Variants in TULP4 observed in about 807,000 individuals in gnomAD.
The protein encoded by TULP4 is TUB like protein 4, also known as tubby-related protein 4.
A neutral mutation model predicts 129.0 loss-of-function variants in TULP4; 16 were observed. The observed-to-expected ratio is 0.12, with a 90% CI of 0.08 to 0.19. TULP4 has a LOEUF of 0.19. Ranked by LOEUF, TULP4 falls within the 10% of genes least tolerant of loss-of-function variation. The pLI, the probability that TULP4 is intolerant of heterozygous loss-of-function variation, is 1.00. For synonymous variants in TULP4, 998 were observed against 854.0 expected (o/e 1.17, Z -2.94); for missense variants, 1,842 against 2,059.1 (o/e 0.89, Z 2.04).
rs535905141 is a variant in TULP4, at chr6:158,252,989, C to T, written n.68+20686C>T. ...TCTTAGGCATTGGTCTTATTAGACG[C>T]ATCTGCTCCATGAAGCTTACGCGTT... On this transcript the variant is annotated intron_variant and non_coding_transcript_variant, in intron 1 of 1. Coordinates refer to the TULP4 transcript ENST00000620026. 1.2e-4 allele frequency among the ~76,000 whole-genome samples: 19 copies of T among 152,322 alleles called. No homozygotes were observed. In the East Asian group the frequency reaches 2.7e-3, roughly 22 times the overall value.
Position 158,234,321 on chromosome 6 carries a change from C to G in TULP4, n.68+2018C>G, listed in dbSNP as rs566886119. On this transcript the variant is annotated intron_variant and non_coding_transcript_variant, in intron 1 of 1. Coordinates refer to the TULP4 transcript ENST00000620026. ...TAAATGGAATCATCCAACATTGATG[C>G]TGAGATGGCGAGTAATGGAAGAGTC... 9.2e-5 allele frequency among the ~76,000 whole-genome samples: 13 copies of G among 142,018 alleles called. No individual in the cohort carries two copies. The South Asian group carries it at 2.9e-3, about 32-fold the overall frequency. The allele number at this position is 142,018 out of a possible 152,430, so 93.2% of individuals were successfully genotyped here. A position where few individuals can be genotyped will look rare whatever the true frequency, so the allele number is the denominator to read the frequency against.
chr6:158,365,984 G>GCT lies in TULP4; in HGVS notation c.253-47080_253-47079dup, dbSNP rs1780947454. Among the ~76,000 whole-genome samples, 11 of 128,424 alleles carry GCT rather than the reference G, an allele frequency of 8.6e-5. No homozygotes were observed. The Admixed American group carries it at 9.7e-4, about 11-fold the overall frequency. 84.3% of individuals were successfully genotyped at this position (128,424 alleles called of 152,430 possible). A position where few individuals can be genotyped will look rare whatever the true frequency, so the allele number is the denominator to read the frequency against. On this transcript the variant is annotated intron_variant, in intron 1 of 13. Coordinates refer to ENST00000367097, the MANE Select transcript of TULP4 (RefSeq NM_020245.5). ...GTGGCGCCATCTCGGCTCACTGCAA[G>GCT]CTGCACCTCCCAGGTTCATGCCATT...
intron 5 of TULP4, among the ~76,000 whole-genome samples, chr6:158,458,450 C>T (rs1779344401): frequency 6.6e-6 from 1 of 152,142 alleles, no homozygotes; most frequent in Non-Finnish European, 1.5e-5. Flanking sequence ...TCCCCATTGC[C>T]TGTGAGGGTG....
intron 6 of TULP4, among the ~76,000 whole-genome samples, chr6:158,474,282 A>G (rs1779762224): frequency 1.3e-5 from 2 of 152,170 alleles, no homozygotes; most frequent in Admixed American, 6.5e-5. Context: ...AGAGCCTCCG[A>G]CTGTCCCAGG....
intron 1 of TULP4, among the ~76,000 whole-genome samples, chr6:158,244,767 C>A (rs977841108): frequency 6.6e-6 from 1 of 151,920 alleles, no homozygotes; most frequent in African/African-American, 2.4e-5. Context: ...TGAGGTGAGA[C>A]GATCACTTGA....
At chr6:158,336,216 A>T (rs895436893) in intron 1 of TULP4, among the ~76,000 whole-genome samples, 2 of 152,210 alleles carry the variant, frequency 1.3e-5, no homozygotes, top group Non-Finnish European at 2.9e-5. Flanking sequence ...CAAACATTTA[A>T]GGGCCATTTT....
chr6:158,484,522 T>G (rs975515307), intron 8 of TULP4, among the ~76,000 whole-genome samples: 9 of 152,150 alleles, frequency 5.9e-5, no homozygotes, highest in Non-Finnish European at 1.0e-4. Flanking sequence ...ATTCATATAT[T>G]GAAGTCCAGA....
intron 5 of TULP4, among the ~76,000 whole-genome samples, chr6:158,452,910 T>C (rs1413680250): frequency 6.6e-6 from 1 of 152,228 alleles, no homozygotes; most frequent in Non-Finnish European, 1.5e-5. Context: ...GTTGACCCCA[T>C]TGATGTGAGT....
chr6:158,358,593 T>C (rs1235070534), intron 1 of TULP4, among the ~76,000 whole-genome samples: 5 of 152,214 alleles, frequency 3.3e-5, no homozygotes, highest in Non-Finnish European at 7.3e-5. Flanking sequence ...AAGTATCCTC[T>C]ATAGGCTGGT....
Position 158,509,038 on chromosome 6 carries a change from C to G in TULP4, c.*2344C>G, listed in dbSNP as rs895638863. The G allele has an allele frequency of 2.6e-5, 4 of 151,818 alleles. No homozygotes were observed. The highest frequency in any genetic ancestry group is 9.7e-5 in the African/African-American group (4 of 41,286). The allele number at this position is 151,818 out of a possible 1,614,324, so 9.4% of individuals were successfully genotyped here. ...AAGCAGCTGGGATTATAGACACCCG[C>G]CAACACGCCAGGCTAATGTTTTTGT... On this transcript the variant is annotated 3_prime_UTR_variant, in exon 14 of 14. Transcript: ENST00000367097.
chr6:158,257,569 A>G (rs1012182556), intron 1 of TULP4, among the ~76,000 whole-genome samples: 12 of 152,174 alleles, frequency 7.9e-5, no homozygotes, highest in African/African-American at 2.7e-4. Flanking sequence ...CTTCTTCTGT[A>G]TGATGAATCA....
intron 3 of TULP4, among the ~76,000 whole-genome samples, chr6:158,432,919 A>G (rs972907422): frequency 6.6e-6 from 1 of 152,200 alleles, no homozygotes; most frequent in Non-Finnish European, 1.5e-5. Context: ...TCACCCTTAT[A>G]TATTTCAACA....
chr6:158,353,069 A>G (rs974654318), intron 1 of TULP4, among the ~76,000 whole-genome samples: 1 of 152,216 alleles, frequency 6.6e-6, no homozygotes, highest in Non-Finnish European at 1.5e-5. Flanking sequence ...TCAGGCCCCA[A>G]ATAAGGGTGA....
At chr6:158,485,411 G>A (rs114969362) in intron 8 of TULP4, among the ~76,000 whole-genome samples, 1,920 of 152,258 alleles carry the variant, frequency 0.013, 45 homozygotes, top group African/African-American at 0.043. Flanking sequence ...TTGATAAAGC[G>A]CTTATGAAAT....
chr6:158,258,449 G>T (rs909936275), intron 1 of TULP4, among the ~76,000 whole-genome samples: 1 of 152,140 alleles, frequency 6.6e-6, no homozygotes, highest in Non-Finnish European at 1.5e-5. Flanking sequence ...TTGTGTTCCA[G>T]AATTTCCAGG....
At chr6:158,242,523 A>C in intron 1 of TULP4, 1 of 758,938 alleles carries the variant, frequency 1.3e-6, no homozygotes, top group South Asian at 1.4e-5. Context: ...GGTACTTTCT[A>C]CTGTCTTCAA....
At chr6:158,302,044 G>C (rs1779140975) in intron 1 of TULP4, among the ~76,000 whole-genome samples, 1 of 152,162 alleles carries the variant, frequency 6.6e-6, no homozygotes, top group African/African-American at 2.4e-5. Flanking sequence ...GTGTAATCCA[G>C]CCTCTTTAAC....
At chr6:158,444,012 G>A (rs1048497090) in intron 3 of TULP4, among the ~76,000 whole-genome samples, 3 of 151,896 alleles carry the variant, frequency 2.0e-5, no homozygotes, top group Admixed American at 1.3e-4. Context: ...AAGGTCAGGA[G>A]ATTGAGACCA....
chr6:158,335,220 T>C (rs1293989505), intron 1 of TULP4, among the ~76,000 whole-genome samples: 1 of 148,180 alleles, frequency 6.7e-6, no homozygotes, highest in Admixed American at 6.8e-5. Context: ...GAGGTTGCAG[T>C]GAGCTGAGAT....
Sources: gnomAD v4.1 joint callset for allele counts (sites outside exome capture counted in the v4.1 genomes callset) on GRCh38, gnomAD v4.1.1 for gene constraint, MANE v1.5 for transcripts, NCBI Gene and HGNC (gene_info 2026-07-23, HGNC 2026-07-21) for gene names.